The following ARHGEF28 variants were observed in gnomAD, a reference collection of about 807,000 sequenced individuals.
The protein encoded by ARHGEF28 is 190 kDa guanine nucleotide exchange factor.
Under a neutral mutation model 206.6 loss-of-function variants are expected in ARHGEF28, and 152 were observed. The observed-to-expected ratio is 0.74, with a 90% confidence interval of 0.64 to 0.84. The LOEUF (loss-of-function observed/expected upper bound fraction) is 0.84, where lower values mean the gene tolerates loss of function less well. ARHGEF28 is among the 40% of genes least tolerant of loss of function. ARHGEF28 has a pLI of 0.00. For missense variants in ARHGEF28, 2,028 were observed against 2,073.2 expected, an observed-to-expected ratio of 0.98 and a Z score of 0.42; for synonymous variants, 763 against 776.4, an observed-to-expected ratio of 0.98 and a Z score of 0.29.
chr5:73,882,469 C>T lies in ARHGEF28; in HGVS notation c.2815-3C>T. On this transcript the variant is annotated splice_polypyrimidine_tract_variant and splice_region_variant and intron_variant, in intron 22 of 35. Transcript: ENST00000513042. ...AACCATTATTTAAATGTTATTCTTC[C>T]AGTTTTCAGAAGAAAATGCAAGTAA... 7.1e-7 allele frequency: 1 copy of T among 1,418,102 alleles called. No individual in the cohort carries two copies. The highest frequency in any genetic ancestry group is 9.4e-7 in the Non-Finnish European group (1 of 1,062,056). 87.8% of individuals were successfully genotyped at this position (1,418,102 alleles called of 1,614,324 possible). A position where few individuals can be genotyped will look rare whatever the true frequency, so the allele number is the denominator to read the frequency against.
chr5:73,678,343 G>A (rs1048415895), intron 1 of ARHGEF28, among the ~76,000 whole-genome samples: 2 of 152,010 alleles, frequency 1.3e-5, no homozygotes, highest in African/African-American at 4.8e-5. Context: ...ATTAATTGCT[G>A]TTCAAATGGT....
rs192641649 is a variant in ARHGEF28, at chr5:73,938,849, A to G, written c.4949-1995A>G. On this transcript the variant is annotated intron_variant, in intron 35 of 35. Coordinates refer to ENST00000513042, the MANE Select transcript of ARHGEF28 (RefSeq NM_001177693.2). Reference sequence around the variant, plus strand: ...GACAAGGAAATCATTGCCTGGGAATATTTTTGTTCGCCCGATTAAGGGAGG... The same window carrying G: ...GACAAGGAAATCATTGCCTGGGAATGTTTTTGTTCGCCCGATTAAGGGAGG... Among the ~76,000 whole-genome samples the G allele has an allele frequency of 9.3e-5, 14 of 150,792 alleles. No homozygotes were observed. In the East Asian group the frequency reaches 2.6e-3, roughly 27 times the overall value.
chr5:73,747,831 G>A (rs1247228465), intron 2 of ARHGEF28, among the ~76,000 whole-genome samples: 1 of 152,132 alleles, frequency 6.6e-6, no homozygotes, highest in Non-Finnish European at 1.5e-5. Flanking sequence ...TGGAAGGCAG[G>A]CGTGATGAAT....
intron 22 of ARHGEF28, among the ~76,000 whole-genome samples, chr5:73,880,115 G>A (rs983214437): frequency 1.3e-5 from 2 of 152,204 alleles, no homozygotes; most frequent in African/African-American, 2.4e-5. Flanking sequence ...GTTTACCTAA[G>A]CGAGCCTGGG....
At chr5:73,815,340 C>CT (rs201063070) in intron 9 of ARHGEF28, among the ~76,000 whole-genome samples, 3 of 151,860 alleles carry the variant, frequency 2.0e-5, no homozygotes, top group East Asian at 1.9e-4. Flanking sequence ...ATTCTTTCAG[C>CT]TTTTTTAAAA....
intron 2 of ARHGEF28, among the ~76,000 whole-genome samples, chr5:73,742,122 GT>G (rs1403385650): frequency 6.6e-6 from 1 of 151,888 alleles, no homozygotes; most frequent in Non-Finnish European, 1.5e-5. Flanking sequence ...ATATTATTTT[GT>G]TTGTGCTAGC....
rs796802212 is a variant in ARHGEF28, at chr5:73,814,574, T to C, written c.1025-17764T>C. Among the ~76,000 whole-genome samples, 162 of 152,196 alleles carry C rather than the reference T, an allele frequency of 1.1e-3. 1 individual carries two copies. The highest frequency in any genetic ancestry group is 3.8e-3 in the African/African-American group (158 of 41,510). ...TTGTCTTGTGCAGGGACGCGTGTGCTTATGTTTTCAATTCAAGGAGAAAAG... is the reference window on the plus strand; with the variant it reads ...TTGTCTTGTGCAGGGACGCGTGTGCCTATGTTTTCAATTCAAGGAGAAAAG... On this transcript the variant is annotated intron_variant, in intron 9 of 35. Coordinates refer to ENST00000513042, the MANE Select transcript of ARHGEF28 (RefSeq NM_001177693.2).
At chr5:73,830,684 C>A (rs1757243517) in intron 9 of ARHGEF28, among the ~76,000 whole-genome samples, 2 of 152,108 alleles carry the variant, frequency 1.3e-5, no homozygotes. Flanking sequence ...GAATCTGAAG[C>A]CAGGGCCATT....
intron 35 of ARHGEF28, among the ~76,000 whole-genome samples, chr5:73,926,390 G>A (rs1255892148): frequency 6.6e-6 from 1 of 152,150 alleles, no homozygotes. Context: ...GTTGACACAG[G>A]CCATAGAAGG....
intron 11 of ARHGEF28, 132 bp from the exon 12 acceptor site, chr5:73,846,136 G>C (rs1758339073): frequency 1.3e-6 from 1 of 773,932 alleles, no homozygotes; most frequent in South Asian, 1.9e-5. Context: ...TTAAATACTA[G>C]TTGGAAATTA....
rs527763881 is a variant in ARHGEF28 at position 73,941,427 on chromosome 5, G to C, written c.*414G>C. 2 of 153,832 alleles carry C rather than the reference G, an allele frequency of 1.3e-5. No homozygotes were observed. The highest frequency in any genetic ancestry group is 4.8e-5 in the African/African-American group (2 of 41,450). The allele number at this position is 153,832 out of a possible 1,614,324, so 9.5% of individuals were successfully genotyped here. A position where few individuals can be genotyped will look rare whatever the true frequency, so the allele number is the denominator to read the frequency against. On this transcript the variant is annotated 3_prime_UTR_variant, in exon 36 of 36. Coordinates refer to ENST00000513042, the MANE Select transcript of ARHGEF28 (RefSeq NM_001177693.2). ...TTTCACAGTCAGGGCAGTTGCCTCAGTGCCCACATAGGCAGAGGAGGATGT... is the reference window on the plus strand; with the variant it reads ...TTTCACAGTCAGGGCAGTTGCCTCACTGCCCACATAGGCAGAGGAGGATGT...
chr5:73,821,704 T>A (rs1756597408), intron 9 of ARHGEF28, among the ~76,000 whole-genome samples: 1 of 152,168 alleles, frequency 6.6e-6, no homozygotes, highest in African/African-American at 2.4e-5. Flanking sequence ...TTTGCCAATT[T>A]TTCCTTGATG....
chr5:73,869,229 G>GGGT (rs1554072951), intron 20 of ARHGEF28, among the ~76,000 whole-genome samples: 1 of 125,516 alleles, frequency 8.0e-6, no homozygotes, highest in Non-Finnish European at 1.6e-5. Context: ...GGGTGGAGGG[G>GGGT]GGTGGGGAAG....
In ARHGEF28 at chr5:73,909,890, GC is replaced by G. The variant is rs1479671794; in HGVS notation, c.4644del (p.Glu1549ArgfsTer2). 2.0e-6 allele frequency: 3 copies of G among 1,507,842 alleles called. No homozygotes were observed. The highest frequency in any genetic ancestry group is 2.7e-5 in the South Asian group (2 of 75,060). 93.4% of individuals were successfully genotyped at this position (1,507,842 alleles called of 1,614,324 possible). A position where few individuals can be genotyped will look rare whatever the true frequency, so the allele number is the denominator to read the frequency against. ...RSLPAVLLPGGPEVMELNRSE... is the reference protein window; with the variant it reads ...RSLPAVLLPGXPEVMELNRSE... Reference sequence around the variant, plus strand: ...CTGCCCGCGGTGCTCCTTCCGGGTGGCCCCGAGGTATGGACCTTCTGCGGTG... The same window carrying G: ...CTGCCCGCGGTGCTCCTTCCGGGTGGCCCGAGGTATGGACCTTCTGCGGTG... On this transcript the variant is annotated frameshift_variant, in exon 34 of 36. Transcript: ENST00000513042. LOFTEE classifies it high-confidence loss of function.
chr5:73,721,081 A>G (rs1749907733), intron 2 of ARHGEF28, among the ~76,000 whole-genome samples: 1 of 152,202 alleles, frequency 6.6e-6, no homozygotes, highest in African/African-American at 2.4e-5. Context: ...GAGAATCTGA[A>G]GAACAGGAAA....
At chr5:73,923,131 G>T in intron 35 of ARHGEF28, 1 of 1,535,764 alleles carries the variant, frequency 6.5e-7, no homozygotes, top group Non-Finnish European at 8.7e-7. Context: ...ATCTCCCCCG[G>T]GACTGTGGAC....
Position 73,813,608 on chromosome 5 carries a change from C to T in ARHGEF28, c.1024+18217C>T, listed in dbSNP as rs1258095049. On this transcript the variant is annotated intron_variant, in intron 9 of 35. Transcript: ENST00000513042. ...AAAAAGATGGATTCTGACTCCGACTCACCTTTTAACTACTCGTGGCCTTCC... is the reference window on the plus strand; with the variant it reads ...AAAAAGATGGATTCTGACTCCGACTTACCTTTTAACTACTCGTGGCCTTCC... 1.0e-5 allele frequency: 16 copies of T among 1,535,712 alleles called. No homozygotes were observed. Among genetic ancestry groups the T allele is most frequent in the Non-Finnish European group, 1.4e-5 (16 of 1,146,702 alleles).
chr5:73,787,251 A>G (rs1294014008), intron 7 of ARHGEF28, among the ~76,000 whole-genome samples: 1 of 152,188 alleles, frequency 6.6e-6, no homozygotes, highest in African/African-American at 2.4e-5. Flanking sequence ...TTGCATACAC[A>G]GCTCTACCTT....
At chr5:73,776,754 A>G in intron 6 of ARHGEF28, 58 bp downstream of exon 6, 1 of 1,471,172 alleles carries the variant, frequency 6.8e-7, no homozygotes, top group Non-Finnish European at 9.2e-7. Flanking sequence ...TGCAGGCATC[A>G]ATTTCTTATT....
Sources: allele counts gnomAD v4.1 joint callset (sites outside exome capture counted in the v4.1 genomes callset), GRCh38; gene constraint gnomAD v4.1.1; transcripts MANE v1.5; gene names NCBI Gene and HGNC (gene_info 2026-07-23, HGNC 2026-07-21).